CWF19L2: variants seen among roughly 807,000 people sequenced by gnomAD.
CWF19L2 encodes CWF19 like cell cycle control factor 2, also known as CWF19-like protein 2.
A neutral mutation model predicts 111.7 loss-of-function variants in CWF19L2; 98 were observed. That is an observed-to-expected ratio of 0.88 (90% CI 0.75 to 1.04). CWF19L2 has a LOEUF of 1.04. Ranked by LOEUF, CWF19L2 falls within the 50% of genes least tolerant of loss-of-function variation. The pLI is 0.00. For missense variants in CWF19L2, 1,101 were observed against 1,051.4 expected (o/e 1.05, Z -0.65); for synonymous variants, 351 against 342.9 (o/e 1.02, Z -0.26).
intron 8 of CWF19L2, among the ~76,000 whole-genome samples, 190 bp downstream of exon 8, chr11:107,428,609 A>T (rs1320036308): frequency 3.3e-5 from 5 of 151,982 alleles, no homozygotes; most frequent in African/African-American, 1.2e-4. Flanking sequence ...CTTAAAAAAA[A>T]AAAAACCTAT....
chr11:107,348,845 TA>T (rs1033936239), intron 14 of CWF19L2, 91 bp downstream of exon 14: 12 of 606,102 alleles, frequency 2.0e-5, no homozygotes, highest in Middle Eastern at 2.8e-4. Flanking sequence ...CTAAAATCAT[TA>T]AATGAAGTTA....
At chr11:107,361,570 T>C (rs1437979975) in intron 12 of CWF19L2, among the ~76,000 whole-genome samples, 1 of 152,248 alleles carries the variant, frequency 6.6e-6, no homozygotes, top group Non-Finnish European at 1.5e-5. Flanking sequence ...CTGGCCAGTA[T>C]GGCAATTTTA....
At chr11:107,409,316 T>C (rs539865308) in intron 10 of CWF19L2, among the ~76,000 whole-genome samples, 6 of 152,242 alleles carry the variant, frequency 3.9e-5, no homozygotes, top group Admixed American at 3.9e-4. Context: ...TGTTTATTTA[T>C]TAATGTTTCT....
chr11:107,352,929 C>T (rs1348182164), intron 13 of CWF19L2, among the ~76,000 whole-genome samples: 1 of 152,174 alleles, frequency 6.6e-6, no homozygotes, highest in East Asian at 1.9e-4. Flanking sequence ...TTCTGCTCCA[C>T]CAATGCTAAG....
At chr11:107,447,939 C>T (rs1263224263) in intron 3 of CWF19L2, among the ~76,000 whole-genome samples, 5 of 151,674 alleles carry the variant, frequency 3.3e-5, no homozygotes, top group African/African-American at 1.2e-4. Context: ...AGGAGATAAA[C>T]TGAAAAACAT....
chr11:107,343,964 C>T (rs975628327), intron 14 of CWF19L2, among the ~76,000 whole-genome samples: 1 of 152,104 alleles, frequency 6.6e-6, no homozygotes, highest in Non-Finnish European at 1.5e-5. Context: ...CTTGTAATTC[C>T]AGCACTTTGG....
intron 12 of CWF19L2, among the ~76,000 whole-genome samples, chr11:107,372,785 G>C (rs1024060415): frequency 1.5e-5 from 2 of 132,482 alleles, no homozygotes; most frequent in Non-Finnish European, 3.2e-5. Flanking sequence ...TGGCCAAATA[G>C]GAACTGCTCC....
At chr11:107,367,106 G>T (rs1274228842) in intron 12 of CWF19L2, among the ~76,000 whole-genome samples, 4 of 115,142 alleles carry the variant, frequency 3.5e-5, no homozygotes, top group South Asian at 5.6e-4. Context: ...TCAGAGAAAT[G>T]CAAATCAAAA....
intron 12 of CWF19L2, among the ~76,000 whole-genome samples, chr11:107,383,548 A>G (rs927906206): frequency 1.3e-5 from 2 of 152,172 alleles, no homozygotes; most frequent in African/African-American, 4.8e-5. Context: ...ACTGAAAAAT[A>G]TAGAAAGGAT....
intron 10 of CWF19L2, chr11:107,403,771 C>G: frequency 1.1e-6 from 1 of 905,910 alleles, no homozygotes; most frequent in Non-Finnish European, 1.8e-6. Flanking sequence ...CCTGTGCAAT[C>G]TCAGCTGCAA....
In CWF19L2 at chr11:107,439,111, TAC is replaced by T. The variant is rs1256220950; in HGVS notation, c.641_642del (p.Cys214Ter). The T allele has an allele frequency of 2.0e-6, 3 of 1,482,654 alleles. No homozygotes were observed. The highest frequency in any genetic ancestry group is 2.8e-6 in the Non-Finnish European group (3 of 1,089,392). The allele number at this position is 1,482,654 out of a possible 1,614,324, so 91.8% of individuals were successfully genotyped here. A position where few individuals can be genotyped will look rare whatever the true frequency, so the allele number is the denominator to read the frequency against. ...DGGTGLPPED[C>X]SVSSITKVSV... ...ATACCTTTAGTAATCGATGACACACTACAGTCTTCAGGTGGAAGACCTGTCCC... is the reference window on the plus strand; with the variant it reads ...ATACCTTTAGTAATCGATGACACACTAGTCTTCAGGTGGAAGACCTGTCCC... On this transcript the variant is annotated frameshift_variant, in exon 6 of 18. Transcript: ENST00000282251. LOFTEE classifies it high-confidence loss of function.
intron 14 of CWF19L2, among the ~76,000 whole-genome samples, chr11:107,346,607 G>T (rs1860084355): frequency 6.6e-6 from 1 of 152,174 alleles, no homozygotes. Context: ...AGATGACTTA[G>T]AGGAAAGCCT....
intron 12 of CWF19L2, among the ~76,000 whole-genome samples, chr11:107,365,090 C>T (rs1386959006): frequency 7.8e-6 from 1 of 128,772 alleles, no homozygotes; most frequent in Non-Finnish European, 1.6e-5. Flanking sequence ...TGGATAAATT[C>T]CTCGACACAT....
chr11:107,360,930 C>T (rs1458454169), intron 12 of CWF19L2, among the ~76,000 whole-genome samples: 2 of 152,066 alleles, frequency 1.3e-5, no homozygotes, highest in East Asian at 3.9e-4. Context: ...ACTGTGCAGG[C>T]TATCTGTTCA....
rs1334144285 is a variant in CWF19L2 at position 107,369,682 on chromosome 11, T to C, written c.1873-15946A>G. The stretch of plus-strand genomic sequence containing the variant: ...CACTGATTCCATACATTTTCAAAAT[T>C]ACTTTAAGATTTAAAACCCAACCAA... On this transcript the variant is annotated intron_variant, in intron 12 of 17. Transcript: ENST00000282251. 1.4e-5 allele frequency among the ~76,000 whole-genome samples: 2 copies of C among 138,282 alleles called. 1 individual carries two copies. The highest frequency in any genetic ancestry group is 3.1e-5 in the Non-Finnish European group (2 of 64,360). 90.7% of individuals were successfully genotyped at this position (138,282 alleles called of 152,430 possible). A position where few individuals can be genotyped will look rare whatever the true frequency, so the allele number is the denominator to read the frequency against.
intron 14 of CWF19L2, among the ~76,000 whole-genome samples, chr11:107,347,563 C>A (rs1860098030): frequency 6.6e-6 from 1 of 152,176 alleles, no homozygotes; most frequent in Non-Finnish European, 1.5e-5. Context: ...AGCTACAACA[C>A]CATTATTTGC....
chr11:107,453,995 G>C (rs1446418499), intron 3 of CWF19L2, among the ~76,000 whole-genome samples: 1 of 152,154 alleles, frequency 6.6e-6, no homozygotes, highest in Admixed American at 6.5e-5. Flanking sequence ...CAGTTCAATA[G>C]AACACCAGGT....
chr11:107,355,451 A>G (rs1251166344), intron 12 of CWF19L2, among the ~76,000 whole-genome samples: 1 of 152,026 alleles, frequency 6.6e-6, no homozygotes, highest in African/African-American at 2.4e-5. Flanking sequence ...AACAACAACA[A>G]CAACAAAAAA....
intron 8 of CWF19L2, among the ~76,000 whole-genome samples, chr11:107,424,916 T>C (rs1049335650): frequency 7.2e-5 from 11 of 151,744 alleles, no homozygotes; most frequent in African/African-American, 7.3e-5. Flanking sequence ...TATTCTATTT[T>C]ATTTTGTGAA....
Sources: allele counts gnomAD v4.1 joint callset (sites outside exome capture counted in the v4.1 genomes callset), GRCh38; gene constraint gnomAD v4.1.1; transcripts MANE v1.5; gene names NCBI Gene and HGNC (gene_info 2026-07-23, HGNC 2026-07-21).